ABCB4: variants seen among roughly 807,000 people sequenced by gnomAD.
ABCB4 encodes ATP binding cassette subfamily B member 4, also known as phosphatidylcholine translocator ABCB4.
ABCB4 carries 76 observed loss-of-function variants against 145.7 expected under a neutral mutation model. The ratio of observed to expected loss-of-function variants is 0.52; its 90% CI spans 0.43 to 0.63. The LOEUF is 0.63. Ranked by LOEUF, ABCB4 falls within the 30% of genes least tolerant of loss-of-function variation. ABCB4 has a pLI of 0.00. For synonymous variants in ABCB4, 517 were observed against 566.8 expected (o/e 0.91, Z 1.25); for missense variants, 1,234 against 1,553.1 (o/e 0.79, Z 3.45).
chr7:87,439,773 G>C lies in ABCB4; in HGVS notation c.1625C>G (p.Ala542Gly). ...QLSGGQKQRI[A>G]IARALVRNPK... ...GTTGCGAACCAGGGCACGTGCAATG[G>C]CGATCCTCTGCTTCTGCCCACCACT... The change falls in exon 14 of 28, where the codon GCC becomes GGC. Residue 542 changes from alanine (A) to glycine (G), a missense_variant. Physicochemically the swap from Ala to Gly is moderately conservative, Grantham distance 60. Transcript: ENST00000649586. 1 of 1,614,136 alleles carries C rather than the reference G, an allele frequency of 6.2e-7. No homozygotes were observed. The highest frequency in any genetic ancestry group is 8.5e-7 in the Non-Finnish European group (1 of 1,180,034).
At chr7:87,441,123 C>A (rs1202066867) in intron 12 of ABCB4, among the ~76,000 whole-genome samples, 2 of 152,148 alleles carry the variant, frequency 1.3e-5, no homozygotes, top group Non-Finnish European at 2.9e-5. Context: ...ATATTTATTG[C>A]AAGAGTAGAG....
chr7:87,453,881 T>C (rs1352278991), intron 5 of ABCB4, among the ~76,000 whole-genome samples: 1 of 152,172 alleles, frequency 6.6e-6, no homozygotes, highest in African/African-American at 2.4e-5. Flanking sequence ...TATTGATTTT[T>C]CCACATTCTT....
In ABCB4 at chr7:87,447,026, C is replaced by A; in HGVS notation, c.1005+8G>T. 1 of 1,607,574 alleles carries A rather than the reference C, an allele frequency of 6.2e-7. No homozygotes were observed. The highest frequency in any genetic ancestry group is 8.5e-7 in the Non-Finnish European group (1 of 1,174,262). ...ATATTCTTCATAAATGTTAGGAGAA[C>A]TACTTACTGTCATTGCATTTCCAAT... On this transcript the variant is annotated splice_region_variant and intron_variant, in intron 9 of 27. Coordinates refer to ENST00000649586, the MANE Select transcript of ABCB4 (RefSeq NM_000443.4).
chr7:87,417,022 A>G (rs1437465080), intron 21 of ABCB4, among the ~76,000 whole-genome samples: 1 of 152,256 alleles, frequency 6.6e-6, no homozygotes, highest in African/African-American at 2.4e-5. Context: ...CATTTGTCCA[A>G]ACAGTAGCAT....
At chr7:87,377,843 A>G in the ABCB4 span, among the ~76,000 whole-genome samples, 1 of 152,152 alleles carries the variant, frequency 6.6e-6, no homozygotes, top group African/African-American at 2.4e-5. Context: ...CTAGGTAACT[A>G]TTTTCCTAAA....
intron 22 of ABCB4, 130 bp downstream of exon 22, chr7:87,413,487 T>A (rs1184336143): frequency 1.5e-6 from 1 of 674,308 alleles, no homozygotes; most frequent in African/African-American, 1.8e-5. Flanking sequence ...AGTGACAGAA[T>A]TGTTGAAAAA....
At chr7:87,391,319 A>C in the ABCB4 span, among the ~76,000 whole-genome samples, 3 of 152,222 alleles carry the variant, frequency 2.0e-5, no homozygotes, top group Non-Finnish European at 4.4e-5. Flanking sequence ...GCAGAGCATA[A>C]ATAGCAGGAG....
chr7:87,405,295 A>C (rs1206317601), intron 26 of ABCB4, among the ~76,000 whole-genome samples: 4 of 152,224 alleles, frequency 2.6e-5, no homozygotes, highest in Admixed American at 2.6e-4. Context: ...TTTAAAATAT[A>C]AAATTATACA....
chr7:87,388,018 G>A, the ABCB4 span, among the ~76,000 whole-genome samples: 1 of 152,106 alleles, frequency 6.6e-6, no homozygotes, highest in African/African-American at 2.4e-5. Flanking sequence ...CACAGTTTTG[G>A]TGGGTCTATT....
At chr7:87,468,680 C>T (rs951836130) in intron 3 of ABCB4, among the ~76,000 whole-genome samples, 50 of 152,098 alleles carry the variant, frequency 3.3e-4, no homozygotes, top group Non-Finnish European at 6.0e-4. Context: ...CGCCTATAAT[C>T]GCAGCACTTT....
intron 14 of ABCB4, 26 bp downstream of exon 14, chr7:87,439,641 C>T: frequency 6.2e-7 from 1 of 1,613,868 alleles, no homozygotes; most frequent in Non-Finnish European, 8.5e-7. Context: ...ATGTGGTGGT[C>T]CTTCAGCTTT....
chr7:87,475,395 C>G lies in ABCB4; in HGVS notation c.71G>C (p.Gly24Ala). The G allele has an allele frequency of 6.2e-7, 1 of 1,614,236 alleles. No individual in the cohort carries two copies. The change falls in exon 2 of 28, where the codon GGC becomes GCC. Residue 24 changes from glycine (G) to alanine (A), a missense_variant. Transcript: ENST00000649586. The part of the protein sequence containing the change: ...PTSAEGDFEL[G>A]ISSKQKRKKT... ...GCTGCTGGGGATGTACCTGCTGATG[C>G]CCAGTTCAAAGTCGCCCTCCGCGCT...
intron 3 of ABCB4, among the ~76,000 whole-genome samples, chr7:87,466,714 T>C (rs925219695): frequency 6.6e-6 from 1 of 152,174 alleles, no homozygotes; most frequent in African/African-American, 2.4e-5. Flanking sequence ...GCAGAAACTC[T>C]ACAAGCCAGA....
chr7:87,377,198 A>G, the ABCB4 span: 3,235 of 503,144 alleles, frequency 6.4e-3, 18 homozygotes, highest in Non-Finnish European at 8.9e-3. Flanking sequence ...TGCATATCAC[A>G]TATCAGTGTT....
the ABCB4 span, among the ~76,000 whole-genome samples, chr7:87,384,621 T>C: frequency 2.0e-5 from 3 of 152,246 alleles, no homozygotes; most frequent in Non-Finnish European, 1.5e-5. Flanking sequence ...ATATTCTGAT[T>C]ATTAATTTCT....
chr7:87,474,825 C>T (rs906347362), intron 2 of ABCB4, among the ~76,000 whole-genome samples: 3 of 151,896 alleles, frequency 2.0e-5, no homozygotes, highest in Non-Finnish European at 4.4e-5. Context: ...AAAACTGATT[C>T]GGATGTACAG....
intron 3 of ABCB4, among the ~76,000 whole-genome samples, chr7:87,464,354 G>A (rs1223310563): frequency 6.6e-6 from 1 of 152,168 alleles, no homozygotes; most frequent in East Asian, 1.9e-4. Context: ...GGCAGAGCTT[G>A]GATAAAACAA....
the ABCB4 span, chr7:87,391,646 G>C: frequency 1.4e-5 from 22 of 1,611,736 alleles, no homozygotes; most frequent in East Asian, 4.7e-4. Flanking sequence ...GCCGTACAGA[G>C]ACTATGCGAT....
the ABCB4 span, among the ~76,000 whole-genome samples, chr7:87,376,242 A>G: frequency 6.6e-6 from 1 of 152,126 alleles, no homozygotes; most frequent in African/African-American, 2.4e-5. Context: ...TTGCCTACTC[A>G]GAAAATTTAC....
Sources: gnomAD v4.1 joint callset for allele counts (sites outside exome capture counted in the v4.1 genomes callset) on GRCh38, gnomAD v4.1.1 for gene constraint, MANE v1.5 for transcripts, NCBI Gene and HGNC (gene_info 2026-07-23, HGNC 2026-07-21) for gene names.